Variants in TSSK2 observed in about 807,000 individuals in gnomAD.
TSSK2 encodes testis-specific serine/threonine-protein kinase 2.
TSSK2 carries 5 observed loss-of-function variants against 14.2 expected under a neutral mutation model. That is an observed-to-expected ratio of 0.35 (90% CI 0.18 to 0.74). The LOEUF (loss-of-function observed/expected upper bound fraction) is 0.74, where lower values mean the gene tolerates loss of function less well. TSSK2 is among the 30% of genes least tolerant of loss of function. The pLI, the probability that TSSK2 is intolerant of heterozygous loss-of-function variation, is 0.56. For synonymous variants in TSSK2, 209 were observed against 201.9 expected, an observed-to-expected ratio of 1.04 and a Z score of -0.30; for missense variants, 439 against 491.1, an observed-to-expected ratio of 0.89 and a Z score of 1.00.
chr22:19,132,348 G>A lies in TSSK2; in HGVS notation c.949G>A (p.Ala317Thr). The change falls in exon 1 of 1, where the codon GCC (alanine) becomes ACC (threonine). Residue 317 changes from alanine to threonine, a missense_variant. Transcript: ENST00000399635. This position sits in a 1 kb window ranked among gnomAD's most constrained non-coding sequence, Gnocchi z 4.2. ...CCACCGGCCCGACCACAAGCTTGGA[G>A]CCAAAACCCAGCACCGGCTGCTGGT... is the stretch of plus-strand genomic sequence containing the variant. The part of the protein sequence containing the change: ...PDHRPDHKLG[A>T]KTQHRLLVVP... The A allele has an allele frequency of 6.2e-7, 1 of 1,613,182 alleles. No homozygotes were observed. The highest frequency in any genetic ancestry group is 1.1e-5 in the South Asian group (1 of 91,068).
rs146971432 is a variant in TSSK2 at position 19,131,460 on chromosome 22, G to A, written c.61G>A (p.Gly21Ser). Residue 21 changes from glycine (G) to serine (S), a missense_variant, in exon 1 of 1, where the codon GGT becomes AGT. By Grantham distance (56) the Gly-to-Ser change is moderately conservative. Transcript: ENST00000399635. The surrounding 1 kb of genome is among the most constrained non-coding windows in gnomAD (Gnocchi z 5.7). ...CATCGTAGGCATCAATCTTGGCAAG[G>A]GTTCCTACGCAAAAGTCAAATCTGC... Reference protein sequence around the residue: ...GYIVGINLGKGSYAKVKSAYS... With the variant: ...GYIVGINLGKSSYAKVKSAYS... 1.2e-6 allele frequency: 2 copies of A among 1,614,090 alleles called. No individual in the cohort carries two copies. The highest frequency in any genetic ancestry group is 1.7e-6 in the Non-Finnish European group (2 of 1,180,020).
Position 19,132,512 on chromosome 22 carries a change from G to A in TSSK2, c.*36G>A, listed in dbSNP as rs1285697972. ...GCCCCGTTGTGTGTGGTGGGGGTCG[G>A]GGTTGGGGGGCATGGTGCAGTCGGC... On this transcript the variant is annotated 3_prime_UTR_variant, in exon 1 of 1. Coordinates refer to ENST00000399635, the MANE Select transcript of TSSK2 (RefSeq NM_053006.5). The surrounding 1 kb of genome is among the most constrained non-coding windows in gnomAD (Gnocchi z 4.2). 3.2e-6 allele frequency: 5 copies of A among 1,561,192 alleles called. No individual in the cohort carries two copies. Among genetic ancestry groups the A allele is most frequent in the Non-Finnish European group, 4.3e-6 (5 of 1,149,668 alleles).
Position 19,132,455 on chromosome 22 carries a change from G to A in TSSK2, c.1056G>A (p.Glu352=), listed in dbSNP as rs151015327. ...AAGACCATCACATCTCCGGAGCTGA[G>A]GTGGGGAAAGCAAGCACCTAGCATG... The part of the protein sequence containing the change: ...RAKDHHISGA[E]VGKAST Residue 352 remains glutamate (E), a synonymous_variant, in exon 1 of 1, where the codon GAG becomes GAA. Transcript: ENST00000399635. This position sits in a 1 kb window ranked among gnomAD's most constrained non-coding sequence, Gnocchi z 4.2. The A allele has an allele frequency of 1.6e-4, 259 of 1,610,744 alleles. 1 individual carries two copies. The highest frequency in any genetic ancestry group is 1.2e-3 in the African/African-American group (88 of 74,996).
rs138403912 is a variant in TSSK2, at chr22:19,131,497, G to A, written c.98G>A (p.Arg33His). ...YAKVKSAYSE[R>H]LKFNVAVKII... Reference sequence around the variant, plus strand: ...AAAGTCAAATCTGCCTACTCTGAGCGCCTCAAGTTCAATGTGGCTGTCAAG... The same window carrying A: ...AAAGTCAAATCTGCCTACTCTGAGCACCTCAAGTTCAATGTGGCTGTCAAG... The change falls in exon 1 of 1, where the codon CGC becomes CAC. Residue 33 changes from arginine (R) to histidine (H), a missense_variant. Transcript: ENST00000399635. The surrounding 1 kb of genome is among the most constrained non-coding windows in gnomAD (Gnocchi z 5.7). The A allele has an allele frequency of 1.1e-4, 181 of 1,614,102 alleles. No homozygotes were observed. Among genetic ancestry groups the A allele is most frequent in the Middle Eastern group, 3.3e-4 (2 of 6,060 alleles).
chr22:19,131,972 C>A lies in TSSK2; in HGVS notation c.573C>A (p.Pro191=), dbSNP rs2083512588. The change falls in exon 1 of 1, where the codon CCC becomes CCA. Residue 191 remains proline (P), a synonymous_variant. Transcript: ENST00000399635. The surrounding 1 kb of genome is among the most constrained non-coding windows in gnomAD (Gnocchi z 5.7). The part of the protein sequence containing the change: ...YAAPEVLQSI[P]YQPKVYDIWS... ...CCCCCGAGGTGCTGCAGAGCATCCC[C>A]TACCAGCCCAAGGTGTATGACATCT... 3 of 1,614,110 alleles carry A rather than the reference C, an allele frequency of 1.9e-6. No homozygotes were observed. The highest frequency in any genetic ancestry group is 1.7e-5 in the Admixed American group (1 of 60,014).
rs150037057 is a variant in TSSK2 at position 19,132,320 on chromosome 22, C to T, written c.921C>T (p.Pro307=). The change falls in exon 1 of 1, where the codon CCC becomes CCT. Residue 307 remains proline, a synonymous_variant. Transcript: ENST00000399635. The surrounding 1 kb of genome is among the most constrained non-coding windows in gnomAD (Gnocchi z 4.2). ...TGGACACCAAGACAGGCTTGAGGCC[C>T]GACCACCGGCCCGACCACAAGCTTG... The part of the protein sequence containing the change: ...CKLDTKTGLR[P]DHRPDHKLGA... The T allele has an allele frequency of 2.0e-5, 32 of 1,612,880 alleles. No individual in the cohort carries two copies. The East Asian group carries it at 3.8e-4, about 19-fold the overall frequency.
Position 19,131,598 on chromosome 22 carries a change from G to A in TSSK2, c.199G>A (p.Val67Ile), listed in dbSNP as rs556171819. The change falls in exon 1 of 1, where the codon GTC becomes ATC. Residue 67 changes from valine to isoleucine, a missense_variant. Coordinates refer to ENST00000399635, the MANE Select transcript of TSSK2 (RefSeq NM_053006.5). The surrounding 1 kb of genome is among the most constrained non-coding windows in gnomAD (Gnocchi z 5.7). The stretch of plus-strand genomic sequence containing the variant: ...TCGGGAGATGGACATCCTGGCAACT[G>A]TCAACCACGGCTCCATCATCAAGAC... ...LPREMDILAT[V>I]NHGSIIKTYE... 1 of 1,614,178 alleles carries A rather than the reference G, an allele frequency of 6.2e-7. No individual in the cohort carries two copies. The highest frequency in any genetic ancestry group is 1.7e-5 in the Admixed American group (1 of 60,028).
rs201930481 is a variant in TSSK2 at position 19,131,532 on chromosome 22, C to T, written c.133C>T (p.Arg45Cys). Residue 45 changes from arginine to cysteine, a missense_variant, in exon 1 of 1, where the codon CGC (arginine) becomes TGC (cysteine). Coordinates refer to ENST00000399635, the MANE Select transcript of TSSK2 (RefSeq NM_053006.5). This position sits in a 1 kb window ranked among gnomAD's most constrained non-coding sequence, Gnocchi z 5.7. Reference sequence around the variant, plus strand: ...CAATGTGGCTGTCAAGATCATCGACCGCAAGAAAACACCTACTGACTTTGT... The same window carrying T: ...CAATGTGGCTGTCAAGATCATCGACTGCAAGAAAACACCTACTGACTTTGT... ...KFNVAVKIID[R>C]KKTPTDFVER... 54 of 1,614,128 alleles carry T rather than the reference C, an allele frequency of 3.3e-5. No homozygotes were observed. The highest frequency in any genetic ancestry group is 3.5e-5 in the Non-Finnish European group (41 of 1,180,038).
At position 19,131,926 on chromosome 22, in the gene TSSK2, G is replaced by C; in HGVS notation, c.527G>C (p.Cys176Ser). 2 of 1,614,092 alleles carry C rather than the reference G, an allele frequency of 1.2e-6. No individual in the cohort carries two copies. The highest frequency in any genetic ancestry group is 2.2e-5 in the East Asian group (1 of 44,880). ...NGRIILSKTF[C>S]GSAAYAAPEV... is the part of the protein sequence containing the mutation. ...CGCATCATCCTCAGCAAGACCTTCT[G>C]CGGGTCGGCAGCATATGCAGCCCCC... The change falls in exon 1 of 1, where the codon TGC becomes TCC. Residue 176 changes from cysteine (C) to serine (S), a missense_variant. Physicochemically the swap from Cys to Ser is moderately radical, Grantham distance 112 (BLOSUM62 -1). Coordinates refer to ENST00000399635, the MANE Select transcript of TSSK2 (RefSeq NM_053006.5). The surrounding 1 kb of genome is among the most constrained non-coding windows in gnomAD (Gnocchi z 5.7).
Position 19,132,414 on chromosome 22 carries a change from G to T in TSSK2, c.1015G>T (p.Glu339Ter). 1 of 1,612,866 alleles carries T rather than the reference G, an allele frequency of 6.2e-7. No homozygotes were observed. The change falls in exon 1 of 1, where the codon GAG becomes TAG. Residue 339 changes from glutamate to a stop codon, truncating the protein, a stop_gained. Transcript: ENST00000399635. LOFTEE classifies it high-confidence loss of function. The surrounding 1 kb of genome is among the most constrained non-coding windows in gnomAD (Gnocchi z 4.2). ...GAACAGGATGGAGGACAGGCTGGCCGAGACCTCCAGGGCCAAAGACCATCA... is the reference window on the plus strand; with the variant it reads ...GAACAGGATGGAGGACAGGCTGGCCTAGACCTCCAGGGCCAAAGACCATCA... ...NENRMEDRLA[E>*]TSRAKDHHIS...
In TSSK2 at chr22:19,132,402, G is replaced by A; in HGVS notation, c.1003G>A (p.Asp335Asn). ...GCCCGAGAACGAGAACAGGATGGAG[G>A]ACAGGCTGGCCGAGACCTCCAGGGC... ...VVPENENRMEDRLAETSRAKD... is the reference protein window; with the variant it reads ...VVPENENRMENRLAETSRAKD... The change falls in exon 1 of 1, where the codon GAC becomes AAC. Residue 335 changes from aspartate to asparagine, a missense_variant. Physicochemically the swap from Asp to Asn is conservative, Grantham distance 23. Coordinates refer to ENST00000399635, the MANE Select transcript of TSSK2 (RefSeq NM_053006.5). The surrounding 1 kb of genome is among the most constrained non-coding windows in gnomAD (Gnocchi z 4.2). 6.2e-7 allele frequency: 1 copy of A among 1,613,026 alleles called. No individual in the cohort carries two copies. The highest frequency in any genetic ancestry group is 1.1e-5 in the South Asian group (1 of 91,078).
rs1304277180 is a variant in TSSK2 at position 19,131,643 on chromosome 22, T to C, written c.244T>C (p.Ser82Pro). ...IIKTYEIFET[S>P]DGRIYIIMEL... ...CAAGACTTACGAGATCTTTGAGACC[T>C]CTGACGGACGGATCTACATCATCAT... Residue 82 changes from serine (S) to proline (P), a missense_variant, in exon 1 of 1, where the codon TCT becomes CCT. Ser to Pro is a moderately conservative substitution (Grantham distance 74). Transcript: ENST00000399635. This position sits in a 1 kb window ranked among gnomAD's most constrained non-coding sequence, Gnocchi z 5.7. The C allele has an allele frequency of 2.6e-5, 42 of 1,613,906 alleles. No individual in the cohort carries two copies. The highest frequency in any genetic ancestry group is 3.4e-5 in the Non-Finnish European group (40 of 1,180,024).
At position 19,132,460 on chromosome 22, in the gene TSSK2, G is replaced by A. The variant is rs772763295; in HGVS notation, c.1061G>A (p.Gly354Glu). 1.2e-6 allele frequency: 2 copies of A among 1,610,166 alleles called. No homozygotes were observed. The highest frequency in any genetic ancestry group is 1.7e-5 in the Admixed American group (1 of 59,836). ...KDHHISGAEVGKAST is the reference protein window; with the variant it reads ...KDHHISGAEVEKAST The stretch of plus-strand genomic sequence containing the variant: ...CATCACATCTCCGGAGCTGAGGTGG[G>A]GAAAGCAAGCACCTAGCATGACAAT... The change falls in exon 1 of 1, where the codon GGG becomes GAG. Residue 354 changes from glycine to glutamate, a missense_variant. Gly to Glu is a moderately conservative substitution (Grantham distance 98, BLOSUM62 -2). Coordinates refer to ENST00000399635, the MANE Select transcript of TSSK2 (RefSeq NM_053006.5). This position sits in a 1 kb window ranked among gnomAD's most constrained non-coding sequence, Gnocchi z 4.2.
rs2083520445 is a variant in TSSK2, at chr22:19,132,502, GT to G, written c.*27del. On this transcript the variant is annotated 3_prime_UTR_variant, in exon 1 of 1. Coordinates refer to ENST00000399635, the MANE Select transcript of TSSK2 (RefSeq NM_053006.5). This position sits in a 1 kb window ranked among gnomAD's most constrained non-coding sequence, Gnocchi z 4.2. ...CATGACAATGGCCCCGTTGTGTGTG[GT>G]GGGGGTCGGGGTTGGGGGGCATGGT... The G allele has an allele frequency of 1.3e-6, 2 of 1,578,356 alleles. No individual in the cohort carries two copies. The highest frequency in any genetic ancestry group is 2.7e-5 in the African/African-American group (2 of 74,288).
rs1569102171 is a variant in TSSK2, at chr22:19,131,365, T to C, written c.-35T>C. Reference sequence around the variant, plus strand: ...CCTGCTGGCCCACATGACGGGGGGATGTAGACGGCAGCGGCGCCAGTCGCT... The same window carrying C: ...CCTGCTGGCCCACATGACGGGGGGACGTAGACGGCAGCGGCGCCAGTCGCT... On this transcript the variant is annotated 5_prime_UTR_variant, in exon 1 of 1. An upstream start codon of the reference 5' UTR is lost. Transcript: ENST00000399635. The surrounding 1 kb of genome is among the most constrained non-coding windows in gnomAD (Gnocchi z 5.7). 3 of 1,538,590 alleles carry C rather than the reference T, an allele frequency of 1.9e-6. No individual in the cohort carries two copies. Among genetic ancestry groups the C allele is most frequent in the Non-Finnish European group, 2.6e-6 (3 of 1,133,522 alleles).
Position 19,131,328 on chromosome 22 carries a change from A to G in TSSK2, c.-72A>G. On this transcript the variant is annotated 5_prime_UTR_variant, in exon 1 of 1. An upstream start codon of the reference 5' UTR is lost. Coordinates refer to ENST00000399635, the MANE Select transcript of TSSK2 (RefSeq NM_053006.5). This position sits in a 1 kb window ranked among gnomAD's most constrained non-coding sequence, Gnocchi z 5.7. ...CAGCCAGACGCCTCCGGTAGTGTAA[A>G]TGAGGACAATGCCTGCTGGCCCACA... 2.2e-6 allele frequency: 3 copies of G among 1,392,074 alleles called. No homozygotes were observed. Among genetic ancestry groups the G allele is most frequent in the Non-Finnish European group, 3.0e-6 (3 of 1,013,834 alleles). 86.2% of individuals were successfully genotyped at this position (1,392,074 alleles called of 1,614,324 possible). A position where few individuals can be genotyped will look rare whatever the true frequency, so the allele number is the denominator to read the frequency against.
Position 19,132,395 on chromosome 22 carries a change from G to C in TSSK2, c.996G>C (p.Arg332Ser). The change falls in exon 1 of 1, where the codon AGG becomes AGC. Residue 332 changes from arginine to serine, a missense_variant. Transcript: ENST00000399635. The surrounding 1 kb of genome is among the most constrained non-coding windows in gnomAD (Gnocchi z 4.2). ...TGGTGGTGCCCGAGAACGAGAACAG[G>C]ATGGAGGACAGGCTGGCCGAGACCT... ...RLLVVPENEN[R>S]MEDRLAETSR... 1 of 1,613,172 alleles carries C rather than the reference G, an allele frequency of 6.2e-7. No individual in the cohort carries two copies. The highest frequency in any genetic ancestry group is 1.7e-5 in the Admixed American group (1 of 60,010).
At position 19,131,702 on chromosome 22, in the gene TSSK2, C is replaced by T. The variant is rs372625353; in HGVS notation, c.303C>T (p.Phe101=). Reference sequence around the variant, plus strand: ...GCGTCCAGGGCGACCTCCTCGAGTTCATCAAGTGCCAGGGAGCCCTGCATG... The same window carrying T: ...GCGTCCAGGGCGACCTCCTCGAGTTTATCAAGTGCCAGGGAGCCCTGCATG... ...ELGVQGDLLE[F]IKCQGALHED... The change falls in exon 1 of 1, where the codon TTC becomes TTT. Residue 101 remains phenylalanine, a synonymous_variant. Transcript: ENST00000399635. The surrounding 1 kb of genome is among the most constrained non-coding windows in gnomAD (Gnocchi z 5.7). 1.2e-6 allele frequency: 2 copies of T among 1,614,104 alleles called. No individual in the cohort carries two copies. Among genetic ancestry groups the T allele is most frequent in the Admixed American group, 3.3e-5 (2 of 60,022 alleles).
In TSSK2 at chr22:19,131,440, T is replaced by C. The variant is rs756002888; in HGVS notation, c.41T>C (p.Val14Ala). 4.2e-5 allele frequency: 68 copies of C among 1,613,604 alleles called. No individual in the cohort carries two copies. Among genetic ancestry groups the C allele is most frequent in the Non-Finnish European group, 5.5e-5 (65 of 1,179,796 alleles). Residue 14 changes from valine to alanine, a missense_variant, in exon 1 of 1, where the codon GTA becomes GCA. By Grantham distance (64) the Val-to-Ala change is moderately conservative. Coordinates refer to ENST00000399635, the MANE Select transcript of TSSK2 (RefSeq NM_053006.5). This position sits in a 1 kb window ranked among gnomAD's most constrained non-coding sequence, Gnocchi z 5.7. ...ATVLRKKGYI[V>A]GINLGKGSYA... ...GTCCTAAGGAAGAAGGGTTACATCG[T>C]AGGCATCAATCTTGGCAAGGGTTCC...
Sources: allele counts gnomAD v4.1 joint callset, GRCh38; gene constraint gnomAD v4.1.1; non-coding constraint Gnocchi (gnomAD v3.1); transcripts MANE v1.5; gene names NCBI Gene and HGNC (gene_info 2026-07-23, HGNC 2026-07-21).